Variants in NBEA observed in about 807,000 individuals in gnomAD.
NBEA encodes the protein lysosomal-trafficking regulator 2.
Under a neutral mutation model 343.4 loss-of-function variants are expected in NBEA, and 44 were observed. The observed-to-expected ratio is 0.13, with a 90% confidence interval of 0.10 to 0.16. The LOEUF (loss-of-function observed/expected upper bound fraction) is 0.16, where lower values mean the gene tolerates loss of function less well. NBEA is among the 10% of genes least tolerant of loss of function. The pLI is 1.00. For synonymous variants in NBEA, 1,175 were observed against 1,238.7 expected (o/e 0.95, Z 1.08); for missense variants, 2,555 against 3,631.3 (o/e 0.70, Z 7.62).
intron 34 of NBEA, chr13:35,251,453 C>T: frequency 1.5e-5 from 16 of 1,057,978 alleles, no homozygotes; most frequent in Non-Finnish European, 1.8e-5. Context: ...GAGAACTTAT[C>T]ACTCAGAGAG....
At chr13:35,212,008 C>G (rs931936779) in intron 33 of NBEA, among the ~76,000 whole-genome samples, 3 of 151,870 alleles carry the variant, frequency 2.0e-5, no homozygotes, top group African/African-American at 2.4e-5. Flanking sequence ...TGTACACACA[C>G]ACACACACAC....
intron 41 of NBEA, chr13:35,476,963 T>C (rs2075900296): frequency 3.2e-6 from 1 of 312,424 alleles, no homozygotes; most frequent in Non-Finnish European, 5.0e-6. Flanking sequence ...GCAAAGCGGC[T>C]CTCTTCTGTG....
chr13:35,099,355 T>C (rs573447940), intron 11 of NBEA, among the ~76,000 whole-genome samples: 3 of 151,880 alleles, frequency 2.0e-5, no homozygotes, highest in East Asian at 2.0e-4. Context: ...CCCACCACCA[T>C]GCCCGGCTAA....
chr13:35,355,459 C>T (rs929789466), intron 38 of NBEA, among the ~76,000 whole-genome samples: 4 of 152,126 alleles, frequency 2.6e-5, no homozygotes, highest in Non-Finnish European at 5.9e-5. Context: ...CGTGATGCCT[C>T]AGTTGCACTA....
intron 24 of NBEA, among the ~76,000 whole-genome samples, chr13:35,165,306 T>G (rs1198682219): frequency 6.6e-6 from 1 of 152,208 alleles, no homozygotes; most frequent in South Asian, 2.1e-4. Context: ...CAGAGCAGCC[T>G]TGAAACTTCA....
intron 35 of NBEA, among the ~76,000 whole-genome samples, chr13:35,305,916 A>G (rs1286701388): frequency 6.6e-6 from 1 of 152,166 alleles, no homozygotes; most frequent in Non-Finnish European, 1.5e-5. Context: ...TTGGCTGCAT[A>G]GTTTGTTCTG....
intron 24 of NBEA, among the ~76,000 whole-genome samples, chr13:35,167,742 T>TGG (rs2070150293): frequency 8.6e-5 from 13 of 151,994 alleles, no homozygotes; most frequent in Admixed American, 3.9e-4. Context: ...GACTAGTTAA[T>TGG]TGAATCCTCT....
chr13:35,472,427 A>G lies in NBEA; in HGVS notation c.6476A>G (p.Gln2159Arg). 1 of 1,613,928 alleles carries G rather than the reference A, an allele frequency of 6.2e-7. No individual in the cohort carries two copies. Among genetic ancestry groups the G allele is most frequent in the East Asian group, 2.2e-5 (1 of 44,868 alleles). ...CCAGTGGTTCTCAGCACCCCTGCCCAGCTCATCGCTCCCGTGGTGGTGGCC... is the reference window on the plus strand; with the variant it reads ...CCAGTGGTTCTCAGCACCCCTGCCCGGCTCATCGCTCCCGTGGTGGTGGCC... ...AGPVVLSTPA[Q>R]LIAPVVVAKG... The change falls in exon 41 of 59, where the codon CAG (glutamine) becomes CGG (arginine). Residue 2159 changes from glutamine (Q) to arginine (R), a missense_variant. Physicochemically the swap from Gln to Arg is conservative, Grantham distance 43. Around this residue, in one of 21 missense-constraint regions of NBEA, gnomAD observed 246 missense variants for 313.7 expected, o/e 0.78. Transcript: ENST00000379939.
At chr13:34,982,434 G>A (rs1021049492) in intron 1 of NBEA, among the ~76,000 whole-genome samples, 3 of 152,046 alleles carry the variant, frequency 2.0e-5, no homozygotes, top group African/African-American at 7.2e-5. Context: ...CTAGTAGCTG[G>A]AATTACAGGC....
chr13:35,509,587 T>C (rs1183986228), intron 41 of NBEA, among the ~76,000 whole-genome samples: 2 of 152,216 alleles, frequency 1.3e-5, no homozygotes. Context: ...AAGCCATTTG[T>C]GGTGTTCTAC....
At chr13:35,225,188 T>C (rs551943411) in intron 33 of NBEA, among the ~76,000 whole-genome samples, 1 of 152,254 alleles carries the variant, frequency 6.6e-6, no homozygotes, top group African/African-American at 2.4e-5. Context: ...TTTGTCCTGG[T>C]CTAGACTCCA....
chr13:35,258,835 A>G (rs1234726622), intron 34 of NBEA, among the ~76,000 whole-genome samples: 1 of 152,206 alleles, frequency 6.6e-6, no homozygotes, highest in African/African-American at 2.4e-5. Flanking sequence ...TGGAAACTGT[A>G]CTTCAGTACA....
rs189571967 is a variant in NBEA, at chr13:35,389,663, A to G, written c.6179+37340A>G. Among the ~76,000 whole-genome samples the G allele has an allele frequency of 2.0e-5, 3 of 152,214 alleles. No homozygotes were observed. In the East Asian group the frequency reaches 5.8e-4, roughly 29 times the overall value. On this transcript the variant is annotated intron_variant, in intron 38 of 58. Coordinates refer to ENST00000379939, the MANE Select transcript of NBEA (RefSeq NM_001385012.1). ...ATGGAAAACAGCTTTTCTCCTTCCT[A>G]TTTTAAATGGTTCCTACTTTGATTG...
chr13:35,571,807 C>T (rs986099245), intron 45 of NBEA, among the ~76,000 whole-genome samples: 2 of 152,054 alleles, frequency 1.3e-5, no homozygotes, highest in Non-Finnish European at 2.9e-5. Flanking sequence ...ATTATCAAAA[C>T]TGTAACATCA....
intron 1 of NBEA, among the ~76,000 whole-genome samples, chr13:34,994,604 A>G (rs756896148): frequency 1.3e-4 from 20 of 152,156 alleles, no homozygotes; most frequent in Non-Finnish European, 1.9e-4. Context: ...AATTTTTTAA[A>G]TCTCCTGAAT....
intron 1 of NBEA, among the ~76,000 whole-genome samples, chr13:34,948,824 C>G (rs1217959363): frequency 1.3e-5 from 2 of 152,124 alleles, no homozygotes; most frequent in South Asian, 2.1e-4. Flanking sequence ...GTCTTTGATA[C>G]AATGTCTTTT....
chr13:35,155,535 G>T (rs1205189042), intron 18 of NBEA, among the ~76,000 whole-genome samples: 1 of 152,150 alleles, frequency 6.6e-6, no homozygotes, highest in African/African-American at 2.4e-5. Flanking sequence ...TGAGGGAAGA[G>T]AGTCACTTGA....
At chr13:34,982,526 C>A (rs533380303) in intron 1 of NBEA, among the ~76,000 whole-genome samples, 1 of 152,144 alleles carries the variant, frequency 6.6e-6, no homozygotes, top group Non-Finnish European at 1.5e-5. Flanking sequence ...GTCTTGAACT[C>A]CTGGCCTCAG....
intron 17 of NBEA, among the ~76,000 whole-genome samples, chr13:35,140,516 T>C (rs537119575): frequency 2.6e-5 from 4 of 152,310 alleles, no homozygotes; most frequent in South Asian, 4.1e-4. Flanking sequence ...TGTATTTTTT[T>C]TAAATAGCCA....
Sources: gnomAD v4.1 joint callset for allele counts (sites outside exome capture counted in the v4.1 genomes callset) on GRCh38, gnomAD v4.1.1 for gene constraint, gnomAD v4.1.1 regional missense constraint, MANE v1.5 for transcripts, NCBI Gene and HGNC (gene_info 2026-07-23, HGNC 2026-07-21) for gene names.